The following HHIPL1 variants were observed in gnomAD, a reference collection of about 807,000 sequenced individuals.
HHIPL1 encodes the protein HHIP-like protein 1.
A neutral mutation model predicts 61.8 loss-of-function variants in HHIPL1; 43 were observed. The ratio of observed to expected loss-of-function variants is 0.70; its 90% CI spans 0.55 to 0.90. HHIPL1 has a LOEUF of 0.90. Ranked by LOEUF, HHIPL1 falls within the 40% of genes least tolerant of loss-of-function variation. HHIPL1 has a pLI of 0.00. For synonymous variants in HHIPL1, 482 were observed against 515.8 expected (o/e 0.93, Z 0.89); for missense variants, 1,056 against 1,157.7 (o/e 0.91, Z 1.28).
chr14:99,659,851 C>T, intron 4 of HHIPL1, 95 bp downstream of exon 4: 1 of 551,520 alleles, frequency 1.8e-6, no homozygotes, highest in Non-Finnish European at 2.7e-6. Flanking sequence ...ACCGCACCCC[C>T]CCCCCCCCGG....
the HHIPL1 span, among the ~76,000 whole-genome samples, chr14:99,626,114 G>C: frequency 6.6e-6 from 1 of 152,090 alleles, no homozygotes; most frequent in Admixed American, 6.6e-5. Flanking sequence ...GACTGACTTT[G>C]ACGCTATGAG....
At chr14:99,617,912 C>G in the HHIPL1 span, among the ~76,000 whole-genome samples, 1 of 152,210 alleles carries the variant, frequency 6.6e-6, no homozygotes, top group African/African-American at 2.4e-5. Flanking sequence ...CTTGCAGAAG[C>G]TGGGGCTCGG....
chr14:99,636,231 G>A, the HHIPL1 span, among the ~76,000 whole-genome samples: 6 of 151,956 alleles, frequency 3.9e-5, no homozygotes, highest in South Asian at 4.2e-4. Flanking sequence ...CGCTGAGTCC[G>A]TGTATGACCC....
the HHIPL1 span, among the ~76,000 whole-genome samples, chr14:99,606,011 T>C: frequency 6.6e-6 from 1 of 152,158 alleles, no homozygotes; most frequent in Non-Finnish European, 1.5e-5. Context: ...TGACCTGGTT[T>C]ACCTTTTTAA....
chr14:99,639,849 ACTGGAT>A, the HHIPL1 span, among the ~76,000 whole-genome samples: 40,596 of 151,802 alleles, frequency 0.27, 5,624 homozygotes, highest in Middle Eastern at 0.36. Flanking sequence ...TTTAGTACAG[ACTGGAT>A]TTCACCATAT....
intron 1 of HHIPL1, among the ~76,000 whole-genome samples, chr14:99,650,739 G>C (rs1023507586): frequency 2.6e-5 from 4 of 152,246 alleles, no homozygotes; most frequent in Admixed American, 6.5e-5. Context: ...ACACTGCCCT[G>C]GTGCCTGGTC....
chr14:99,605,510 C>T, the HHIPL1 span, among the ~76,000 whole-genome samples: 13 of 152,290 alleles, frequency 8.5e-5, no homozygotes, highest in South Asian at 2.7e-3. Context: ...GTTGCTAAGC[C>T]GTTCATTCAG....
At chr14:99,670,087 A>G (rs1471128152) in intron 7 of HHIPL1, among the ~76,000 whole-genome samples, 1 of 151,760 alleles carries the variant, frequency 6.6e-6, no homozygotes, top group Admixed American at 6.6e-5. Flanking sequence ...ATCACTATTA[A>G]TTAAACTCTA....
chr14:99,629,465 G>A, the HHIPL1 span, among the ~76,000 whole-genome samples: 1 of 152,066 alleles, frequency 6.6e-6, no homozygotes, highest in African/African-American at 2.4e-5. Context: ...GTAGGCACAG[G>A]GTAGGAGGGA....
chr14:99,638,117 C>G, the HHIPL1 span, among the ~76,000 whole-genome samples: 1 of 152,324 alleles, frequency 6.6e-6, no homozygotes, highest in East Asian at 1.9e-4. Flanking sequence ...AAGGCTGGCT[C>G]TGGCCTGAGG....
At chr14:99,609,787 T>C in the HHIPL1 span, among the ~76,000 whole-genome samples, 1 of 152,172 alleles carries the variant, frequency 6.6e-6, no homozygotes, top group East Asian at 1.9e-4. Flanking sequence ...CTAGAACCGC[T>C]GATGTTGCAA....
At chr14:99,647,716 A>C (rs1354489939) in intron 1 of HHIPL1, among the ~76,000 whole-genome samples, 1 of 152,196 alleles carries the variant, frequency 6.6e-6, no homozygotes, top group Admixed American at 6.5e-5. Context: ...CAGAGTCTGC[A>C]TTTGGCACCT....
rs1367777638 is a variant in HHIPL1 at position 99,652,262 on chromosome 14, G to C, written c.294G>C (p.Glu98Asp). 8 of 1,612,584 alleles carry C rather than the reference G, an allele frequency of 5.0e-6. No homozygotes were observed. The highest frequency in any genetic ancestry group is 6.8e-6 in the Non-Finnish European group (8 of 1,179,266). The change falls in exon 2 of 9, where the codon GAG becomes GAC. Residue 98 changes from glutamate (E) to aspartate (D), a missense_variant. Physicochemically the swap from Glu to Asp is conservative, Grantham distance 45. Transcript: ENST00000330710. ...ATGCAGCCCACCTCTATGACGCCGA[G>C]GACCCATTCACGCCCCTGCGCACGG... is the stretch of plus-strand genomic sequence containing the variant. ...SPYAAHLYDA[E>D]DPFTPLRTVP...
At chr14:99,627,291 TC>T in the HHIPL1 span, among the ~76,000 whole-genome samples, 5 of 151,648 alleles carry the variant, frequency 3.3e-5, no homozygotes, top group African/African-American at 1.2e-4. The surrounding 1 kb of genome is among the most constrained non-coding windows in gnomAD (Gnocchi z 4.4). Context: ...CATCTATTCA[TC>T]CATCTACTCT....
the HHIPL1 span, among the ~76,000 whole-genome samples, chr14:99,613,742 C>G: frequency 1.3e-5 from 2 of 151,728 alleles, no homozygotes; most frequent in African/African-American, 4.8e-5. Context: ...AATCCCATCT[C>G]TACTAAAAAT....
At chr14:99,641,263 T>C, upstream of HHIPL1, among the ~76,000 whole-genome samples, 1 of 152,182 alleles carries the variant, frequency 6.6e-6, no homozygotes, top group Non-Finnish European at 1.5e-5. Flanking sequence ...TTTTTGTTTT[T>C]CTGGCAAAGC....
At chr14:99,621,379 C>T in the HHIPL1 span, among the ~76,000 whole-genome samples, 4 of 152,348 alleles carry the variant, frequency 2.6e-5, no homozygotes, top group South Asian at 8.3e-4. Context: ...TCTGTCCTTA[C>T]CACCCCACCG....
chr14:99,625,891 G>A, the HHIPL1 span, among the ~76,000 whole-genome samples: 705 of 152,220 alleles, frequency 4.6e-3, 7 homozygotes, highest in Non-Finnish European at 5.9e-3. Context: ...CCCACTCCTC[G>A]TGTGACCTTT....
rs557083747 is a variant in HHIPL1, at chr14:99,659,452, G to T, written c.1071G>T (p.Leu357=). ...GGTCGGCGCTGCTGGGCAAGGTGCT[G>T]CGCATCGACGTGGACCGTAAGGAGC... The part of the protein sequence containing the change: ...QNKSALLGKV[L]RIDVDRKERG... The change falls in exon 4 of 9, where the codon CTG becomes CTT. Residue 357 remains leucine (L), a synonymous_variant. Transcript: ENST00000330710. 44 of 1,502,290 alleles carry T rather than the reference G, an allele frequency of 2.9e-5. No individual in the cohort carries two copies. Among genetic ancestry groups the T allele is most frequent in the Non-Finnish European group, 3.8e-5 (43 of 1,129,338 alleles). 93.1% of individuals were successfully genotyped at this position (1,502,290 alleles called of 1,614,324 possible). A position where few individuals can be genotyped will look rare whatever the true frequency, so the allele number is the denominator to read the frequency against.
Sources: allele counts gnomAD v4.1 joint callset (sites outside exome capture counted in the v4.1 genomes callset), GRCh38; gene constraint gnomAD v4.1.1; non-coding constraint Gnocchi (gnomAD v3.1); transcripts MANE v1.5; gene names NCBI Gene and HGNC (gene_info 2026-07-23, HGNC 2026-07-21).